Variants in JARID2 observed in about 807,000 individuals in gnomAD.
JARID2 encodes protein Jumonji.
Under a neutral mutation model 125.6 loss-of-function variants are expected in JARID2, and 21 were observed. The ratio of observed to expected loss-of-function variants is 0.17; its 90% CI spans 0.12 to 0.24. The LOEUF (loss-of-function observed/expected upper bound fraction) is 0.24, where lower values mean the gene tolerates loss of function less well. Ranked by LOEUF, JARID2 falls within the 10% of genes least tolerant of loss-of-function variation. The pLI, the probability that JARID2 is intolerant of heterozygous loss-of-function variation, is 1.00. For missense variants in JARID2, 1,303 were observed against 1,639.6 expected, an observed-to-expected ratio of 0.79 and a Z score of 3.55; for synonymous variants, 736 against 661.6, an observed-to-expected ratio of 1.11 and a Z score of -1.73.
At chr6:15,402,903 G>C (rs1254604528) in intron 2 of JARID2, among the ~76,000 whole-genome samples, 2 of 152,148 alleles carry the variant, frequency 1.3e-5, no homozygotes, top group Non-Finnish European at 2.9e-5. Flanking sequence ...AATGAAGTGT[G>C]GACCCAGAGC....
chr6:15,274,572 A>C (rs1225141060), intron 1 of JARID2, among the ~76,000 whole-genome samples: 1 of 152,226 alleles, frequency 6.6e-6, no homozygotes, highest in East Asian at 1.9e-4. Flanking sequence ...ACACAGGCAA[A>C]TAAGTGATGT....
At chr6:15,408,993 A>G (rs569674057) in intron 2 of JARID2, among the ~76,000 whole-genome samples, 3 of 152,294 alleles carry the variant, frequency 2.0e-5, no homozygotes, top group African/African-American at 4.8e-5. Flanking sequence ...TTTATTTTCA[A>G]CCTCATGTTA....
At chr6:15,398,459 G>C (rs1437164167) in intron 2 of JARID2, among the ~76,000 whole-genome samples, 3 of 152,140 alleles carry the variant, frequency 2.0e-5, no homozygotes, top group Non-Finnish European at 4.4e-5. Flanking sequence ...GTTATTCTTG[G>C]TCTTCCAGAG....
At chr6:15,389,952 C>G (rs1270510905) in intron 2 of JARID2, among the ~76,000 whole-genome samples, 1 of 152,130 alleles carries the variant, frequency 6.6e-6, no homozygotes, top group Non-Finnish European at 1.5e-5. Context: ...CTATTTTTAA[C>G]TGGAGAGACT....
chr6:15,446,437 A>G (rs1767673849), intron 3 of JARID2, among the ~76,000 whole-genome samples: 2 of 152,238 alleles, frequency 1.3e-5, no homozygotes, highest in Admixed American at 1.3e-4. Flanking sequence ...CCTCTATTAC[A>G]GAGTAACAGG....
intron 1 of JARID2, among the ~76,000 whole-genome samples, chr6:15,350,730 G>GTTTT (rs538674872): frequency 1.5e-5 from 2 of 130,412 alleles, no homozygotes; most frequent in African/African-American, 2.8e-5. Context: ...ATAGTTTAAG[G>GTTTT]TTTTTTTTTT....
intron 2 of JARID2, among the ~76,000 whole-genome samples, chr6:15,404,229 CTG>C (rs1005990666): frequency 6.6e-6 from 1 of 152,158 alleles, no homozygotes; most frequent in Admixed American, 6.5e-5. Context: ...CCCTGGAGCT[CTG>C]TGCTCCATTG....
chr6:15,296,344 A>G (rs1004063504), intron 1 of JARID2, among the ~76,000 whole-genome samples: 1 of 152,106 alleles, frequency 6.6e-6, no homozygotes, highest in African/African-American at 2.4e-5. Context: ...ATATAACACG[A>G]TATTCTCTGC....
rs1771350872 is a variant in JARID2, at chr6:15,513,018, C to T, written c.3239C>T (p.Thr1080Ile). ...AAAGAAAACGGTCCCACTCTCAGTA[C>T]CATCTCAGCCCTCCTGGATGAGCTC... ...AKKENGPTLS[T>I]ISALLDELRD... Residue 1080 changes from threonine (T) to isoleucine (I), a missense_variant, in exon 15 of 18, where the codon ACC (threonine) becomes ATC (isoleucine). This residue lies in a region of JARID2 where 190 missense variants were observed against 341.4 expected (regional missense o/e 0.56). Transcript: ENST00000341776. 6.2e-6 allele frequency: 10 copies of T among 1,614,000 alleles called. No homozygotes were observed. In the East Asian group the frequency reaches 2.0e-4, roughly 32 times the overall value.
At chr6:15,422,542 G>A (rs1046759101) in intron 3 of JARID2, among the ~76,000 whole-genome samples, 1 of 152,198 alleles carries the variant, frequency 6.6e-6, no homozygotes, top group African/African-American at 2.4e-5. Context: ...TGCACATGCT[G>A]CTCATCGACA....
In JARID2 at chr6:15,424,201, C is replaced by T. The variant is rs547919617; in HGVS notation, c.323+13836C>T. On this transcript the variant is annotated intron_variant, in intron 3 of 17. Transcript: ENST00000341776. ...CACATTAGTCTCAAACTCCCAGCCT[C>T]AAGTGATCCTCCTGCCTCGGCCTCC... Among the ~76,000 whole-genome samples the T allele has an allele frequency of 4.6e-5, 7 of 151,264 alleles. No homozygotes were observed. The South Asian group carries it at 1.5e-3, about 32-fold the overall frequency.
At chr6:15,302,159 T>TA (rs1345434297) in intron 1 of JARID2, among the ~76,000 whole-genome samples, 7 of 152,288 alleles carry the variant, frequency 4.6e-5, no homozygotes, top group Non-Finnish European at 1.0e-4. Context: ...CTCATGCCTG[T>TA]AATCCCAGCA....
chr6:15,272,183 G>T (rs532759047), intron 1 of JARID2, among the ~76,000 whole-genome samples: 1 of 152,346 alleles, frequency 6.6e-6, no homozygotes, highest in East Asian at 1.9e-4. Context: ...CAATTGTAAG[G>T]CTTGAGCATT....
Position 15,471,214 on chromosome 6 carries a change from GAT to G in JARID2, c.670+2497_670+2498del, listed in dbSNP as rs1319890558. Among the ~76,000 whole-genome samples the G allele has an allele frequency of 4.1e-4, 62 of 152,304 alleles. No homozygotes were observed. The South Asian group carries it at 0.012, about 30-fold the overall frequency. On this transcript the variant is annotated intron_variant, in intron 5 of 17. Coordinates refer to ENST00000341776, the MANE Select transcript of JARID2 (RefSeq NM_004973.4). Reference sequence around the variant, plus strand: ...CTTTATAATCTTTTGAGTTTGTGTTGATGGTGAGAGACAACCGAATTATTGAG... The same window carrying G: ...CTTTATAATCTTTTGAGTTTGTGTTGGGTGAGAGACAACCGAATTATTGAG...
intron 1 of JARID2, among the ~76,000 whole-genome samples, chr6:15,300,683 T>G (rs1267944128): frequency 1.7e-5 from 2 of 114,404 alleles, no homozygotes; most frequent in African/African-American, 3.2e-5. Flanking sequence ...TGTCCTCATG[T>G]TGTGTGTGTG....
chr6:15,390,175 C>G (rs955714800), intron 2 of JARID2, among the ~76,000 whole-genome samples: 7 of 152,164 alleles, frequency 4.6e-5, no homozygotes, highest in Non-Finnish European at 8.8e-5. Flanking sequence ...TATTTGTTGT[C>G]ATCTGTCCAC....
chr6:15,372,804 G>T (rs182893030), intron 1 of JARID2, among the ~76,000 whole-genome samples: 176 of 151,966 alleles, frequency 1.2e-3, no homozygotes, highest in South Asian at 9.1e-3. Flanking sequence ...TTCCCTCTAG[G>T]TTCAAGCAAT....
At position 15,521,453 on chromosome 6, in the gene JARID2, A is replaced by C. The variant is rs931763432; in HGVS notation, c.*1202A>C. 2 of 151,924 alleles carry C rather than the reference A, an allele frequency of 1.3e-5. No homozygotes were observed. Among genetic ancestry groups the C allele is most frequent in the Non-Finnish European group, 2.9e-5 (2 of 67,986 alleles). The allele number at this position is 151,924 out of a possible 1,614,324, so 9.4% of individuals were successfully genotyped here. On this transcript the variant is annotated 3_prime_UTR_variant, in exon 18 of 18. Transcript: ENST00000341776. ...GGGGGTGAGAAGACAAGATGAAGAA[A>C]AGCCTTACATTTCAGTTTCTTCATC... is the stretch of plus-strand genomic sequence containing the variant.
chr6:15,324,952 A>G (rs533805050), intron 1 of JARID2, among the ~76,000 whole-genome samples: 2 of 152,196 alleles, frequency 1.3e-5, no homozygotes, highest in South Asian at 4.1e-4. Flanking sequence ...TGAAAGGAAT[A>G]AAGTAATAAG....
Sources: gnomAD v4.1 joint callset for allele counts (sites outside exome capture counted in the v4.1 genomes callset) on GRCh38, gnomAD v4.1.1 for gene constraint, gnomAD v4.1.1 regional missense constraint, MANE v1.5 for transcripts, NCBI Gene and HGNC (gene_info 2026-07-23, HGNC 2026-07-21) for gene names.